The following CSMD1 variants were observed in gnomAD, a reference collection of about 807,000 sequenced individuals.
CSMD1 encodes CUB and Sushi multiple domains 1, also known as CUB and sushi domain-containing protein 1.
Under a neutral mutation model 417.5 loss-of-function variants are expected in CSMD1, and 213 were observed. The observed-to-expected ratio is 0.51, with a 90% confidence interval of 0.46 to 0.57. The LOEUF (loss-of-function observed/expected upper bound fraction) is 0.57. Ranked by LOEUF, CSMD1 falls within the 20% of genes least tolerant of loss-of-function variation. The pLI, the probability that CSMD1 is intolerant of heterozygous loss-of-function variation, is 0.00. For missense variants in CSMD1, 6,923 were observed against 4,529.7 expected (o/e 1.53, Z -15.17); for synonymous variants, 2,862 against 1,736.8 (o/e 1.65, Z -16.11).
At chr8:3,329,447 G>A (rs778345827) in intron 23 of CSMD1, among the ~76,000 whole-genome samples, 2 of 152,050 alleles carry the variant, frequency 1.3e-5, no homozygotes, top group African/African-American at 4.8e-5. Flanking sequence ...ACATTACAGG[G>A]GAGCATATAT....
intron 1 of CSMD1, among the ~76,000 whole-genome samples, chr8:4,762,544 C>G (rs1812181277): frequency 6.6e-6 from 1 of 151,964 alleles, no homozygotes; most frequent in Non-Finnish European, 1.5e-5. Flanking sequence ...AAAAAGTAAC[C>G]TACATTTCAA....
chr8:3,360,257 A>C (rs991888650), intron 20 of CSMD1, among the ~76,000 whole-genome samples: 7 of 152,238 alleles, frequency 4.6e-5, no homozygotes, highest in Admixed American at 4.6e-4. Flanking sequence ...ATTAAAAAAT[A>C]AATGTCTGAT....
rs1288398806 is a variant in CSMD1 at position 3,000,067 on chromosome 8, G to A, written c.8094C>T (p.Tyr2698=). 4 of 1,602,904 alleles carry A rather than the reference G, an allele frequency of 2.5e-6. No homozygotes were observed. The highest frequency in any genetic ancestry group is 3.5e-5 in the Admixed American group (2 of 57,460). Residue 2698 remains tyrosine (Y), a synonymous_variant, in exon 53 of 70, where the codon TAC becomes TAT. Coordinates refer to ENST00000635120, the MANE Select transcript of CSMD1 (RefSeq NM_033225.6). ...TGCACTGGTAAACCACCGTGTCTCT[G>A]TAACTGAAGCCATCTCCACTAATGT... The part of the protein sequence containing the change: ...NGHISGDGFS[Y]RDTVVYQCNP...
At chr8:3,046,776 T>G (rs979382876) in intron 50 of CSMD1, among the ~76,000 whole-genome samples, 1 of 152,250 alleles carries the variant, frequency 6.6e-6, no homozygotes, top group Non-Finnish European at 1.5e-5. Context: ...CAGCCACATC[T>G]GTGTGCTCAC....
At chr8:3,528,726 G>C (rs1397321260) in intron 10 of CSMD1, among the ~76,000 whole-genome samples, 1 of 152,204 alleles carries the variant, frequency 6.6e-6, no homozygotes, top group Non-Finnish European at 1.5e-5. Flanking sequence ...TGAGGGATTG[G>C]AATAGTGAAT....
intron 5 of CSMD1, among the ~76,000 whole-genome samples, chr8:3,970,776 G>C (rs1414235822): frequency 2.0e-5 from 3 of 151,994 alleles, no homozygotes; most frequent in African/African-American, 7.2e-5. Context: ...GTTTTTGATG[G>C]AGTTTCACTC....
chr8:4,430,767 A>G (rs1169397380), intron 2 of CSMD1, among the ~76,000 whole-genome samples: 2 of 152,178 alleles, frequency 1.3e-5, no homozygotes, highest in Admixed American at 1.3e-4. Context: ...GTTTATGACA[A>G]TCAAACCATT....
intron 5 of CSMD1, among the ~76,000 whole-genome samples, chr8:3,897,205 C>T (rs536382057): frequency 6.6e-6 from 1 of 152,078 alleles, no homozygotes; most frequent in African/African-American, 2.4e-5. Context: ...AAGAAGTTAT[C>T]AAAACAAAGG....
At chr8:3,455,608 C>T (rs1410971063) in intron 12 of CSMD1, among the ~76,000 whole-genome samples, 4 of 152,206 alleles carry the variant, frequency 2.6e-5, no homozygotes, top group East Asian at 1.9e-4. Context: ...GTATCAGCAG[C>T]AGAGGCTGCA....
At chr8:3,105,882 TAGGTGGTATATATTC>T (rs1247210441) in intron 46 of CSMD1, among the ~76,000 whole-genome samples, 1 of 152,224 alleles carries the variant, frequency 6.6e-6, no homozygotes, top group African/African-American at 2.4e-5. Flanking sequence ...TAGCGGAAGC[TAGGTGGTATATATTC>T]AGGTGTTACA....
At chr8:4,584,293 G>A (rs181368245) in intron 2 of CSMD1, among the ~76,000 whole-genome samples, 68 of 151,938 alleles carry the variant, frequency 4.5e-4, no homozygotes, top group African/African-American at 1.5e-3. Flanking sequence ...TGAGACAATC[G>A]CCGAGTGGTG....
At chr8:4,522,921 T>C (rs897696985) in intron 2 of CSMD1, among the ~76,000 whole-genome samples, 2 of 152,156 alleles carry the variant, frequency 1.3e-5, no homozygotes, top group African/African-American at 4.8e-5. Flanking sequence ...AATAAGGACA[T>C]TGCTGTTATC....
chr8:3,799,467 G>C (rs944828276), intron 5 of CSMD1, among the ~76,000 whole-genome samples: 2 of 136,248 alleles, frequency 1.5e-5, no homozygotes, highest in African/African-American at 2.8e-5. Flanking sequence ...TCACTGTTCA[G>C]TTCCCACCTA....
At chr8:2,982,313 G>A (rs963708596) in intron 54 of CSMD1, among the ~76,000 whole-genome samples, 1 of 152,188 alleles carries the variant, frequency 6.6e-6, no homozygotes, top group African/African-American at 2.4e-5. Flanking sequence ...CCGAGATCAT[G>A]CCACTGCACT....
chr8:4,059,122 C>T (rs1411250069), intron 3 of CSMD1, among the ~76,000 whole-genome samples: 1 of 152,168 alleles, frequency 6.6e-6, no homozygotes, highest in East Asian at 1.9e-4. Context: ...CAAACTAGAA[C>T]TCAGGATTAA....
rs146912517 is a variant in CSMD1, at chr8:4,938,409, T to A, written c.85+55923A>T. On this transcript the variant is annotated intron_variant, in intron 1 of 69. Coordinates refer to ENST00000635120, the MANE Select transcript of CSMD1 (RefSeq NM_033225.6). Reference sequence around the variant, plus strand: ...ATTACAAATATGACTCCATGCCCACTTCTCATCAACAAGTGGCATATGCAT... The same window carrying A: ...ATTACAAATATGACTCCATGCCCACATCTCATCAACAAGTGGCATATGCAT... Among the ~76,000 whole-genome samples, 606 of 152,282 alleles carry A rather than the reference T, an allele frequency of 4.0e-3. 1 individual carries two copies. Among genetic ancestry groups the A allele is most frequent in the African/African-American group, 0.014 (573 of 41,550 alleles).
rs186328629 is a variant in CSMD1 at position 3,224,043 on chromosome 8, T to A, written c.4346-176A>T. 3.2e-3 allele frequency among the ~76,000 whole-genome samples: 486 copies of A among 152,338 alleles called. 2 individuals are homozygous for A. The highest frequency in any genetic ancestry group is 0.011 in the African/African-American group (457 of 41,574). On this transcript the variant is annotated intron_variant, in intron 27 of 69. Transcript: ENST00000635120. ...TGATAAAATTGTAAGACCCAGGAAC[T>A]CTGTACATTTTTCATGTAACTGTTA...
chr8:3,289,596 A>G (rs540418761), intron 25 of CSMD1, among the ~76,000 whole-genome samples: 1 of 144,522 alleles, frequency 6.9e-6, no homozygotes, highest in Non-Finnish European at 1.5e-5. Context: ...GCATTTTTTC[A>G]TGTGTCTTTT....
At chr8:4,797,744 A>G (rs1798059066) in intron 1 of CSMD1, among the ~76,000 whole-genome samples, 2 of 152,224 alleles carry the variant, frequency 1.3e-5, no homozygotes, top group Non-Finnish European at 2.9e-5. Context: ...ATACAAATGT[A>G]GAAGATAAGT....
Sources: gnomAD v4.1 joint callset for allele counts (sites outside exome capture counted in the v4.1 genomes callset) on GRCh38, gnomAD v4.1.1 for gene constraint, MANE v1.5 for transcripts, NCBI Gene and HGNC (gene_info 2026-07-23, HGNC 2026-07-21) for gene names.